Variants in TXNDC11 observed in about 807,000 individuals in gnomAD.
TXNDC11 encodes the protein thioredoxin domain-containing protein 11.
Under a neutral mutation model 78.0 loss-of-function variants are expected in TXNDC11, and 68 were observed. That is an observed-to-expected ratio of 0.87 (90% CI 0.72 to 1.07). TXNDC11 has a LOEUF of 1.07. TXNDC11 is among the 50% of genes least tolerant of loss of function. The pLI is 0.00. For missense variants in TXNDC11, 1,389 were observed against 1,221.8 expected (o/e 1.14, Z -2.04); for synonymous variants, 571 against 495.2 (o/e 1.15, Z -2.03).
chr16:11,717,907 G>A (rs1479549306), intron 5 of TXNDC11, among the ~76,000 whole-genome samples: 2 of 151,930 alleles, frequency 1.3e-5, no homozygotes, highest in East Asian at 3.8e-4. Context: ...GTGGACCAAG[G>A]TAAACTGACA....
chr16:11,703,539 C>T (rs1444744989), intron 5 of TXNDC11: 3 of 559,572 alleles, frequency 5.4e-6, no homozygotes, highest in Non-Finnish European at 3.2e-6. Flanking sequence ...CACACACACA[C>T]ACACAGAGGG....
At chr16:11,703,460 G>A (rs1033183612) in intron 5 of TXNDC11, among the ~76,000 whole-genome samples, 2 of 151,908 alleles carry the variant, frequency 1.3e-5, no homozygotes, top group African/African-American at 4.8e-5. Context: ...TAAACCCTGT[G>A]ATGTTAAATT....
At chr16:11,692,223 TAAAC>T in intron 7 of TXNDC11, 141 bp from the exon 8 acceptor site, 6 of 700,024 alleles carry the variant, frequency 8.6e-6, no homozygotes, top group South Asian at 2.3e-5. Context: ...ATTCCAGAAA[TAAAC>T]AAGTCGTAAG....
intron 4 of TXNDC11, among the ~76,000 whole-genome samples, chr16:11,730,032 T>C (rs2052000533): frequency 6.6e-6 from 1 of 152,094 alleles, no homozygotes; most frequent in South Asian, 2.1e-4. Flanking sequence ...AAGTGGAGTT[T>C]GCAGTGAGCT....
chr16:11,721,557 T>C lies in TXNDC11; in HGVS notation c.793+20A>G. On this transcript the variant is annotated intron_variant, in intron 5 of 11. Coordinates refer to ENST00000283033, the MANE Select transcript of TXNDC11 (RefSeq NM_015914.7). ...CAATTCTACTGAAGTAACAATGTCTTAATATGAATCATTTTTTACCTTTCT... is the reference window on the plus strand; with the variant it reads ...CAATTCTACTGAAGTAACAATGTCTCAATATGAATCATTTTTTACCTTTCT... The C allele has an allele frequency of 7.2e-7, 1 of 1,392,910 alleles. No homozygotes were observed. The highest frequency in any genetic ancestry group is 1.0e-6 in the Non-Finnish European group (1 of 984,708). The allele number at this position is 1,392,910 out of a possible 1,614,324, so 86.3% of individuals were successfully genotyped here.
At chr16:11,691,005 T>C (rs2050699150) in intron 8 of TXNDC11, 4 of 433,830 alleles carry the variant, frequency 9.2e-6, no homozygotes, top group African/African-American at 2.0e-5. Context: ...GGTTCTACCT[T>C]AGACATGTGA....
chr16:11,703,566 T>TA (rs2051095368), intron 5 of TXNDC11: 1 of 599,228 alleles, frequency 1.7e-6, no homozygotes, highest in African/African-American at 1.9e-5. Context: ...AGGGGATGGA[T>TA]AGAGAAATAC....
chr16:11,687,812 A>G, intron 10 of TXNDC11, 45 bp downstream of exon 10: 1 of 1,316,180 alleles, frequency 7.6e-7, no homozygotes, highest in Non-Finnish European at 1.1e-6. Context: ...AATAAGAGTG[A>G]AAATGGGCAT....
chr16:11,740,866 C>G (rs745436177), intron 1 of TXNDC11, among the ~76,000 whole-genome samples: 2 of 152,192 alleles, frequency 1.3e-5, no homozygotes, highest in Non-Finnish European at 2.9e-5. Flanking sequence ...CCATACTAGG[C>G]TCTCAATTAT....
intron 5 of TXNDC11, among the ~76,000 whole-genome samples, chr16:11,703,515 C>T (rs1270542905): frequency 7.6e-6 from 1 of 131,954 alleles, no homozygotes; most frequent in Non-Finnish European, 1.5e-5. Context: ...TTGATACACA[C>T]ACACACACAC....
In TXNDC11 at chr16:11,742,502, G is replaced by A. The variant is rs1420003794; in HGVS notation, c.229C>T (p.Leu77Phe). 4.8e-6 allele frequency: 7 copies of A among 1,453,774 alleles called. No individual in the cohort carries two copies. In the East Asian group the frequency reaches 1.2e-4, roughly 25 times the overall value. The allele number at this position is 1,453,774 out of a possible 1,614,324, so 90.1% of individuals were successfully genotyped here. The change falls in exon 1 of 12, where the codon CTC (leucine) becomes TTC (phenylalanine). Residue 77 changes from leucine (L) to phenylalanine (F), a missense_variant. Transcript: ENST00000283033. Reference protein sequence around the residue: ...CGAVALGCALLLALKFTCSRA... With the variant: ...CGAVALGCALFLALKFTCSRA... ...CTGCAGGTGAACTTGAGGGCGAGGA[G>A]CAGCGCGCAGCCGAGCGCCACGGCC...
At chr16:11,725,689 C>T (rs189094074) in intron 4 of TXNDC11, among the ~76,000 whole-genome samples, 22 of 152,330 alleles carry the variant, frequency 1.4e-4, no homozygotes, top group Admixed American at 1.4e-3. Flanking sequence ...GAAATAAGCA[C>T]TTGAAAACTG....
intron 1 of TXNDC11, among the ~76,000 whole-genome samples, chr16:11,736,771 C>T (rs1338726617): frequency 6.6e-6 from 1 of 152,170 alleles, no homozygotes; most frequent in Non-Finnish European, 1.5e-5. Context: ...ATATACATTC[C>T]TCCAGATATA....
At chr16:11,712,955 C>A (rs997898274) in intron 5 of TXNDC11, among the ~76,000 whole-genome samples, 3 of 150,694 alleles carry the variant, frequency 2.0e-5, no homozygotes, top group Admixed American at 1.3e-4. Context: ...CACACACACA[C>A]ACAGAAATCA....
At chr16:11,737,851 C>CAAAAAAAAAAAAAAAAAAAAAAAAAA (rs538318388) in intron 1 of TXNDC11, among the ~76,000 whole-genome samples, 1 of 54,182 alleles carries the variant, frequency 1.8e-5, no homozygotes, top group African/African-American at 7.2e-5. Context: ...CTACGTCTCT[C>CAAAAAAAAAAAAAAAAAAAAAAAAAA]AAAAAAAAAA....
intron 4 of TXNDC11, among the ~76,000 whole-genome samples, chr16:11,725,298 G>C (rs2051842792): frequency 6.6e-6 from 1 of 151,548 alleles, no homozygotes; most frequent in South Asian, 2.1e-4. Context: ...GCAAAACTCT[G>C]CTGCTTAAGA....
At position 11,684,190 on chromosome 16, in the gene TXNDC11, T is replaced by C. The variant is rs993283642; in HGVS notation, c.2209A>G (p.Thr737Ala). The change falls in exon 11 of 12, where the codon ACT (threonine) becomes GCT (alanine). Residue 737 changes from threonine to alanine, a missense_variant. By Grantham distance (58) the Thr-to-Ala change is moderately conservative. Transcript: ENST00000283033. ...CTGTTGCAGGGAAAAAACAAGACAG[T>C]AGGAAGACGATCGACCATAAATTCC... ...PWEFMVDRLP[T>A]VLFFPCNRKD... is the part of the protein sequence containing the mutation. 1 of 1,613,844 alleles carries C rather than the reference T, an allele frequency of 6.2e-7. No homozygotes were observed. The highest frequency in any genetic ancestry group is 8.5e-7 in the Non-Finnish European group (1 of 1,179,824).
chr16:11,691,535 A>G lies in TXNDC11; in HGVS notation c.1655T>C (p.Ile552Thr), dbSNP rs2050713963. 2 of 1,613,880 alleles carry G rather than the reference A, an allele frequency of 1.2e-6. No homozygotes were observed. The highest frequency in any genetic ancestry group is 1.3e-5 in the African/African-American group (1 of 74,926). ...TGGAAAGAGATACCTGTTCTCCTCAATGTGAGGAACGGAGCTTGGGGCATC... is the reference window on the plus strand; with the variant it reads ...TGGAAAGAGATACCTGTTCTCCTCAGTGTGAGGAACGGAGCTTGGGGCATC... ...EVDAPSSVPH[I>T]EENRYLFPEV... Residue 552 changes from isoleucine to threonine, a missense_variant, in exon 8 of 12, where the codon ATT becomes ACT. Coordinates refer to ENST00000283033, the MANE Select transcript of TXNDC11 (RefSeq NM_015914.7).
chr16:11,709,439 TTTTTTTTTTTTTTG>T (rs2051276764), intron 5 of TXNDC11, among the ~76,000 whole-genome samples: 2 of 131,170 alleles, frequency 1.5e-5, no homozygotes, highest in African/African-American at 5.9e-5. Context: ...TTTTTTTTTT[TTTTTTTTTTTTTTG>T]AGACGGAGTC....
Sources: gnomAD v4.1 joint callset for allele counts (sites outside exome capture counted in the v4.1 genomes callset) on GRCh38, gnomAD v4.1.1 for gene constraint, MANE v1.5 for transcripts, NCBI Gene and HGNC (gene_info 2026-07-23, HGNC 2026-07-21) for gene names.